Variants in ERC2 observed in about 807,000 individuals in gnomAD.
The protein encoded by ERC2 is ELKS/RAB6-interacting/CAST family member 2.
A neutral mutation model predicts 114.8 loss-of-function variants in ERC2; 42 were observed. The observed-to-expected ratio is 0.37, with a 90% CI of 0.29 to 0.47. The LOEUF is 0.47. Among genes scored for constraint, ERC2 ranks in the 20% least tolerant of loss-of-function variants. The pLI, the probability that ERC2 is intolerant of heterozygous loss-of-function variation, is 0.99. For synonymous variants in ERC2, 454 were observed against 425.5 expected (o/e 1.07, Z -0.82); for missense variants, 939 against 1,150.7 (o/e 0.82, Z 2.66).
chr3:56,437,338 G>A (rs774900028), intron 1 of ERC2, among the ~76,000 whole-genome samples: 10 of 152,228 alleles, frequency 6.6e-5, no homozygotes, highest in Non-Finnish European at 1.2e-4. Flanking sequence ...GCCCAGCGGG[G>A]CATGAGCGAG....
chr3:55,892,981 C>T lies in ERC2; in HGVS notation c.2404-4432G>A, dbSNP rs139122110. ...CTTTGGGAAATGATTAGGTCATGGGCGCAGAGGCCTCCTATATGGGATTAG... is the reference window on the plus strand; with the variant it reads ...CTTTGGGAAATGATTAGGTCATGGGTGCAGAGGCCTCCTATATGGGATTAG... On this transcript the variant is annotated intron_variant, in intron 13 of 17. Transcript: ENST00000288221. Among the ~76,000 whole-genome samples the T allele has an allele frequency of 2.5e-3, 374 of 152,072 alleles. 8 individuals are homozygous for T. The highest frequency in any genetic ancestry group is 0.014 in the East Asian group (70 of 5,146).
intron 12 of ERC2, among the ~76,000 whole-genome samples, chr3:55,955,473 T>C (rs866285973): frequency 3.3e-5 from 5 of 152,244 alleles, no homozygotes; most frequent in Admixed American, 6.5e-5. Flanking sequence ...TTGAACTTTA[T>C]ATACATGGAA....
At chr3:55,548,512 C>T (rs1486932541) in intron 17 of ERC2, among the ~76,000 whole-genome samples, 2 of 152,180 alleles carry the variant, frequency 1.3e-5, no homozygotes, top group African/African-American at 2.4e-5. Flanking sequence ...CTTGCTCTCA[C>T]TTAAGTCCCT....
intron 14 of ERC2, among the ~76,000 whole-genome samples, chr3:55,745,648 G>C (rs966871366): frequency 6.6e-6 from 1 of 152,216 alleles, no homozygotes; most frequent in Non-Finnish European, 1.5e-5. Context: ...GCAGGTTATA[G>C]ATGAGTGATA....
At position 55,952,196 on chromosome 3, in the gene ERC2, CTCTA is replaced by C. The variant is rs1333819508; in HGVS notation, c.2268-1640_2268-1637del. Among the ~76,000 whole-genome samples the C allele has an allele frequency of 9.0e-4, 101 of 112,728 alleles. 6 individuals are homozygous for C. Among genetic ancestry groups the C allele is most frequent in the East Asian group, 2.2e-3 (8 of 3,636 alleles). 74.0% of individuals were successfully genotyped at this position (112,728 alleles called of 152,430 possible). On this transcript the variant is annotated intron_variant, in intron 12 of 17. Transcript: ENST00000288221. ...ACACACACACTCTCTCTCTCTCTCT[CTCTA>C]TATATATATATATATATTCTGAACA...
At chr3:55,615,099 G>GTTTTA (rs2059070493) in intron 17 of ERC2, among the ~76,000 whole-genome samples, 1 of 152,142 alleles carries the variant, frequency 6.6e-6, no homozygotes, top group Non-Finnish European at 1.5e-5. Flanking sequence ...TAGTTTTTAG[G>GTTTTA]TTTTATCTTA....
At chr3:55,544,937 CAT>C (rs1238200696) in intron 17 of ERC2, among the ~76,000 whole-genome samples, 1 of 152,214 alleles carries the variant, frequency 6.6e-6, no homozygotes, top group African/African-American at 2.4e-5. Flanking sequence ...ATTTGACATC[CAT>C]ATCTTTGCTA....
chr3:56,238,959 C>G (rs1050233193), intron 3 of ERC2, among the ~76,000 whole-genome samples: 4 of 152,198 alleles, frequency 2.6e-5, no homozygotes, highest in Non-Finnish European at 5.9e-5. Flanking sequence ...TCCTACCTCT[C>G]AGGTTGCATG....
At chr3:56,220,038 G>A (rs903255760) in intron 3 of ERC2, among the ~76,000 whole-genome samples, 6 of 152,154 alleles carry the variant, frequency 3.9e-5, no homozygotes, top group Non-Finnish European at 7.4e-5. Context: ...ATCATAAATA[G>A]ATTAATACGA....
intron 14 of ERC2, among the ~76,000 whole-genome samples, chr3:55,836,417 T>C (rs1306825153): frequency 2.6e-5 from 4 of 152,112 alleles, no homozygotes; most frequent in African/African-American, 9.7e-5. Context: ...TATAGATCAA[T>C]GGAACAGAAC....
chr3:55,730,499 C>T lies in ERC2; in HGVS notation c.2712+4272G>A, dbSNP rs6792524. Among the ~76,000 whole-genome samples, 597 of 152,320 alleles carry T rather than the reference C, an allele frequency of 3.9e-3. 5 individuals are homozygous for T. The highest frequency in any genetic ancestry group is 0.013 in the African/African-American group (555 of 41,572). On this transcript the variant is annotated intron_variant, in intron 15 of 17. Transcript: ENST00000288221. ...CATACAACAAATATTTACTGAGCAC[C>T]TACTATGTGCCTGGCAATAACTCAG...
intron 1 of ERC2, among the ~76,000 whole-genome samples, chr3:56,464,871 T>A (rs1442842496): frequency 1.2e-4 from 18 of 147,736 alleles, no homozygotes; most frequent in African/African-American, 3.7e-4. Flanking sequence ...TAGAGGATTT[T>A]AAAAAAAGAA....
intron 14 of ERC2, among the ~76,000 whole-genome samples, chr3:55,837,101 A>G (rs1469128674): frequency 6.6e-6 from 1 of 152,148 alleles, no homozygotes; most frequent in Non-Finnish European, 1.5e-5. Context: ...AAAGCCAGGA[A>G]ACAACAGGTG....
At chr3:56,459,994 AG>A (rs912577667) in intron 1 of ERC2, among the ~76,000 whole-genome samples, 74 of 152,360 alleles carry the variant, frequency 4.9e-4, no homozygotes, top group African/African-American at 1.8e-3. Context: ...CAAGAGGTTA[AG>A]AGCAGAACTT....
chr3:56,012,295 C>T (rs1401796133), intron 8 of ERC2, among the ~76,000 whole-genome samples: 1 of 152,170 alleles, frequency 6.6e-6, no homozygotes, highest in Non-Finnish European at 1.5e-5. Flanking sequence ...GTTGGAGCGA[C>T]ATTTCTAAAG....
At chr3:56,090,173 T>C (rs2077709724) in intron 6 of ERC2, among the ~76,000 whole-genome samples, 1 of 152,200 alleles carries the variant, frequency 6.6e-6, no homozygotes, top group African/African-American at 2.4e-5. Context: ...TAGCAAAAGT[T>C]GCCTTTCAGA....
intron 13 of ERC2, among the ~76,000 whole-genome samples, chr3:55,893,268 A>G (rs2063697879): frequency 6.6e-6 from 1 of 152,110 alleles, no homozygotes; most frequent in Admixed American, 6.5e-5. Context: ...TTTATTTTGC[A>G]AATTACTCAT....
At chr3:55,966,727 C>T (rs906125030) in intron 12 of ERC2, among the ~76,000 whole-genome samples, 14 of 152,142 alleles carry the variant, frequency 9.2e-5, no homozygotes, top group African/African-American at 3.4e-4. Context: ...TTCCTAATTC[C>T]CTGTTATCAG....
At chr3:56,079,371 G>A (rs911544732) in intron 7 of ERC2, among the ~76,000 whole-genome samples, 11 of 152,222 alleles carry the variant, frequency 7.2e-5, no homozygotes, top group African/African-American at 1.7e-4. Flanking sequence ...TGGGCAGCAC[G>A]GGTTCAGAAT....
Sources: allele counts gnomAD v4.1 joint callset (sites outside exome capture counted in the v4.1 genomes callset), GRCh38; gene constraint gnomAD v4.1.1; transcripts MANE v1.5; gene names NCBI Gene and HGNC (gene_info 2026-07-23, HGNC 2026-07-21).